Variants in CYTH3 observed in about 807,000 individuals in gnomAD.
CYTH3 encodes cytohesin-3.
A neutral mutation model predicts 55.1 loss-of-function variants in CYTH3; 23 were observed. The observed-to-expected ratio is 0.42, with a 90% CI of 0.30 to 0.59. The LOEUF (loss-of-function observed/expected upper bound fraction) is 0.59, where lower values mean the gene tolerates loss of function less well. Among genes scored for constraint, CYTH3 ranks in the 20% least tolerant of loss-of-function variants. The pLI, the probability that CYTH3 is intolerant of heterozygous loss-of-function variation, is 0.20. For missense variants in CYTH3, 413 were observed against 524.8 expected (o/e 0.79, Z 2.08); for synonymous variants, 249 against 194.9 (o/e 1.28, Z -2.31).
At position 6,171,385 on chromosome 7, in the gene CYTH3, G is replaced by A; in HGVS notation, c.450-71C>T. The A allele has an allele frequency of 2.8e-6, 4 of 1,453,384 alleles. No individual in the cohort carries two copies. Among genetic ancestry groups the A allele is most frequent in the Non-Finnish European group, 3.8e-6 (4 of 1,040,258 alleles). The allele number at this position is 1,453,384 out of a possible 1,614,324, so 90.0% of individuals were successfully genotyped here. On this transcript the variant is annotated intron_variant, in intron 6 of 12. Coordinates refer to ENST00000350796, the MANE Select transcript of CYTH3 (RefSeq NM_004227.4). The surrounding 1 kb of genome is among the most constrained non-coding windows in gnomAD (Gnocchi z 6.7). ...CGCCTCACGGCCAAGGGCGGCTTCTGCCCAGCTCAGGAAGGACGTTTTCCT... is the reference window on the plus strand; with the variant it reads ...CGCCTCACGGCCAAGGGCGGCTTCTACCCAGCTCAGGAAGGACGTTTTCCT...
chr7:6,250,081 G>A (rs1404828347), intron 1 of CYTH3, among the ~76,000 whole-genome samples: 2 of 152,104 alleles, frequency 1.3e-5, no homozygotes, highest in East Asian at 1.9e-4. Context: ...ATGGAAATTT[G>A]TTGTCCTATG....
At chr7:6,172,578 T>C (rs546109353) in intron 6 of CYTH3, among the ~76,000 whole-genome samples, 2 of 152,338 alleles carry the variant, frequency 1.3e-5, no homozygotes, top group South Asian at 4.1e-4. Context: ...CCGCCCATCC[T>C]GTGCCTCCAT....
chr7:6,225,385 C>A (rs1369906683), intron 1 of CYTH3, among the ~76,000 whole-genome samples: 2 of 150,182 alleles, frequency 1.3e-5, no homozygotes, highest in Non-Finnish European at 3.0e-5. Context: ...CAGAGTTTCA[C>A]TCTTGTTGCC....
chr7:6,196,628 T>C (rs1783939707), intron 1 of CYTH3, among the ~76,000 whole-genome samples: 1 of 152,010 alleles, frequency 6.6e-6, no homozygotes, highest in Non-Finnish European at 1.5e-5. Flanking sequence ...CCCAGCTAAT[T>C]TTCTATGTTT....
intron 1 of CYTH3, among the ~76,000 whole-genome samples, chr7:6,245,047 C>T (rs1779774140): frequency 7.2e-6 from 1 of 138,274 alleles, no homozygotes; most frequent in Admixed American, 7.9e-5. Flanking sequence ...TCTCAATCTC[C>T]TGACCTCATG....
chr7:6,187,013 T>C (rs759094597), intron 4 of CYTH3, 37 bp downstream of exon 4: 7 of 1,599,726 alleles, frequency 4.4e-6, no homozygotes, highest in Middle Eastern at 1.6e-4. Flanking sequence ...AATTAGTCCA[T>C]CTCCTGCAGG....
intron 1 of CYTH3, among the ~76,000 whole-genome samples, chr7:6,250,120 C>T (rs1244829115): frequency 2.6e-5 from 4 of 152,090 alleles, no homozygotes; most frequent in South Asian, 2.1e-4. Context: ...CTGGAATCCC[C>T]GAGAAGTAGA....
rs180750439 is a variant in CYTH3 at position 6,190,951 on chromosome 7, C to A, written c.35-420G>T. Among the ~76,000 whole-genome samples, 41 of 151,964 alleles carry A rather than the reference C, an allele frequency of 2.7e-4. No individual in the cohort carries two copies. The South Asian group carries it at 4.2e-3, about 15-fold the overall frequency. On this transcript the variant is annotated intron_variant, in intron 1 of 12. Coordinates refer to ENST00000350796, the MANE Select transcript of CYTH3 (RefSeq NM_004227.4). Reference sequence around the variant, plus strand: ...AATCAGCTGGGTGTGGTGACGCATGCCTGTAATCTCAGCTACTCGGGAGGC... The same window carrying A: ...AATCAGCTGGGTGTGGTGACGCATGACTGTAATCTCAGCTACTCGGGAGGC...
chr7:6,230,515 G>A (rs1583181047), intron 1 of CYTH3, among the ~76,000 whole-genome samples: 1 of 152,142 alleles, frequency 6.6e-6, no homozygotes, highest in East Asian at 1.9e-4. Flanking sequence ...TTAAAATTCT[G>A]TGTCTTAGGG....
chr7:6,181,118 T>C (rs981751643), intron 4 of CYTH3, among the ~76,000 whole-genome samples: 1 of 152,246 alleles, frequency 6.6e-6, no homozygotes, highest in Admixed American at 6.5e-5. Flanking sequence ...TCTATCAACA[T>C]CTAGAAAACC....
At chr7:6,263,602 C>T (rs1467397735) in intron 1 of CYTH3, among the ~76,000 whole-genome samples, 1 of 152,104 alleles carries the variant, frequency 6.6e-6, no homozygotes, top group Non-Finnish European at 1.5e-5. Context: ...TCAAGACCAG[C>T]CTGGCCAACG....
rs149242677 is a variant in CYTH3 at position 6,246,513 on chromosome 7, T to C, written c.34+25961A>G. The stretch of plus-strand genomic sequence containing the variant: ...GCATATATCCTCACACATGTAGATG[T>C]GTGACGTGGAATGTGAACATCCTAC... On this transcript the variant is annotated intron_variant, in intron 1 of 12. Transcript: ENST00000350796. Among the ~76,000 whole-genome samples, 6 of 152,296 alleles carry C rather than the reference T, an allele frequency of 3.9e-5. No homozygotes were observed. In the East Asian group the frequency reaches 1.2e-3, roughly 29 times the overall value.
At chr7:6,254,306 C>G (rs1780047439) in intron 1 of CYTH3, among the ~76,000 whole-genome samples, 1 of 151,846 alleles carries the variant, frequency 6.6e-6, no homozygotes, top group Admixed American at 6.6e-5. Flanking sequence ...ATTTTGGTAA[C>G]AACTGGGGAA....
At chr7:6,200,892 A>C (rs1784044747) in intron 1 of CYTH3, among the ~76,000 whole-genome samples, 1 of 152,216 alleles carries the variant, frequency 6.6e-6, no homozygotes, top group Non-Finnish European at 1.5e-5. Flanking sequence ...AATAGCTGGG[A>C]CCACAGGCAC....
At chr7:6,245,535 T>C (rs911008775) in intron 1 of CYTH3, among the ~76,000 whole-genome samples, 3 of 152,162 alleles carry the variant, frequency 2.0e-5, no homozygotes, top group African/African-American at 7.2e-5. Flanking sequence ...TCTTCCCTAC[T>C]TTCACTCATC....
chr7:6,166,948 G>A (rs1170824580), intron 9 of CYTH3, among the ~76,000 whole-genome samples: 1 of 152,156 alleles, frequency 6.6e-6, no homozygotes, highest in Non-Finnish European at 1.5e-5. Context: ...CTAGACCCTG[G>A]TCTGGGCAAA....
chr7:6,267,083 T>C (rs1183432419), intron 1 of CYTH3, among the ~76,000 whole-genome samples: 1 of 152,186 alleles, frequency 6.6e-6, no homozygotes, highest in African/African-American at 2.4e-5. Flanking sequence ...TGGCATCTCT[T>C]CCCTCTTGCT....
Position 6,170,900 on chromosome 7 carries a change from G to T in CYTH3, c.641C>A (p.Thr214Lys). Residue 214 changes from threonine (T) to lysine (K), a missense_variant, in exon 8 of 13, where the codon ACG becomes AAG. This residue lies in a region of CYTH3 where 156 missense variants were observed against 233.1 expected (regional missense o/e 0.67). Transcript: ENST00000350796. The surrounding 1 kb of genome is among the most constrained non-coding windows in gnomAD (Gnocchi z 7.8). ...GTTCATGGCGATGAACCGTTCTGCCGTGGGCTTGTCACGCACGTTGTGGTT... is the reference window on the plus strand; with the variant it reads ...GTTCATGGCGATGAACCGTTCTGCCTTGGGCTTGTCACGCACGTTGTGGTT... ...LHNHNVRDKP[T>K]AERFIAMNRG... 6.2e-7 allele frequency: 1 copy of T among 1,613,946 alleles called. No individual in the cohort carries two copies. Among genetic ancestry groups the T allele is most frequent in the Non-Finnish European group, 8.5e-7 (1 of 1,179,910 alleles).
chr7:6,266,082 T>C (rs186791238), intron 1 of CYTH3, among the ~76,000 whole-genome samples: 109 of 152,246 alleles, frequency 7.2e-4, no homozygotes, highest in Middle Eastern at 3.4e-3. Context: ...CTTCCCTCCA[T>C]ATTTCCCACT....
Sources: gnomAD v4.1 joint callset for allele counts (sites outside exome capture counted in the v4.1 genomes callset) on GRCh38, gnomAD v4.1.1 for gene constraint, gnomAD v4.1.1 regional missense constraint, Gnocchi (gnomAD v3.1) non-coding constraint, MANE v1.5 for transcripts, NCBI Gene and HGNC (gene_info 2026-07-23, HGNC 2026-07-21) for gene names.